RIMS1: variants seen among roughly 807,000 people sequenced by gnomAD.
RIMS1 encodes regulating synaptic membrane exocytosis 1, also known as regulating synaptic membrane exocytosis protein 1.
A neutral mutation model predicts 214.1 loss-of-function variants in RIMS1; 83 were observed. The observed-to-expected ratio is 0.39, with a 90% CI of 0.32 to 0.47. RIMS1 has a LOEUF of 0.47. RIMS1 is among the 20% of genes least tolerant of loss of function. RIMS1 has a pLI of 0.99. For missense variants in RIMS1, 2,050 were observed against 2,161.8 expected (o/e 0.95, Z 1.03); for synonymous variants, 793 against 786.8 (o/e 1.01, Z -0.13).
intron 4 of RIMS1, among the ~76,000 whole-genome samples, chr6:72,101,836 T>C (rs2033655749): frequency 6.6e-6 from 1 of 151,936 alleles, no homozygotes; most frequent in Non-Finnish European, 1.5e-5. Flanking sequence ...TAAAACTTCA[T>C]CCTCAGCCTA....
intron 29 of RIMS1, among the ~76,000 whole-genome samples, chr6:72,340,324 A>G (rs1355503483): frequency 3.3e-5 from 5 of 151,610 alleles, no homozygotes; most frequent in Admixed American, 2.0e-4. Context: ...TTTTGTTGCC[A>G]TTGCTTTTGG....
At chr6:71,950,984 A>ATATAT (rs1789310335) in intron 1 of RIMS1, among the ~76,000 whole-genome samples, 2 of 152,226 alleles carry the variant, frequency 1.3e-5, no homozygotes, top group Non-Finnish European at 2.9e-5. Flanking sequence ...TTTAGATGAG[A>ATATAT]AGACATATAC....
chr6:72,251,510 G>A, intron 15 of RIMS1, 142 bp downstream of exon 15: 2 of 686,852 alleles, frequency 2.9e-6, no homozygotes, highest in South Asian at 2.7e-5. Flanking sequence ...GAAGCAACTT[G>A]GCAAAACTGT....
chr6:72,362,887 T>C (rs2097870840), intron 29 of RIMS1, among the ~76,000 whole-genome samples: 1 of 152,198 alleles, frequency 6.6e-6, no homozygotes, highest in Admixed American at 6.5e-5. Context: ...CATTTGTTCA[T>C]TCAAAATATA....
chr6:72,140,755 A>G (rs2041984673), intron 4 of RIMS1, among the ~76,000 whole-genome samples: 1 of 152,102 alleles, frequency 6.6e-6, no homozygotes. Context: ...ATCAAGGATT[A>G]CAGACCATTT....
At position 72,047,319 on chromosome 6, in the gene RIMS1, A is replaced by G. The variant is rs570563571; in HGVS notation, c.246-49630A>G. Among the ~76,000 whole-genome samples, 120 of 152,268 alleles carry G rather than the reference A, an allele frequency of 7.9e-4. 1 individual carries two copies. The South Asian group carries it at 0.024, about 30-fold the overall frequency. On this transcript the variant is annotated intron_variant, in intron 2 of 33. Transcript: ENST00000521978. The stretch of plus-strand genomic sequence containing the variant: ...CTCAACAATTCCAAATTAATTCCCA[A>G]TGCAAATCATGGAATTTTCAGCTTC...
intron 2 of RIMS1, among the ~76,000 whole-genome samples, chr6:72,091,852 C>T (rs1836318010): frequency 6.6e-6 from 1 of 152,062 alleles, no homozygotes; most frequent in Admixed American, 6.5e-5. Flanking sequence ...CCTCACTAGT[C>T]AATAAGAATA....
chr6:72,034,809 G>A (rs561904441), intron 2 of RIMS1, among the ~76,000 whole-genome samples: 1 of 152,210 alleles, frequency 6.6e-6, no homozygotes, highest in East Asian at 1.9e-4. Context: ...CTCTCAGTCT[G>A]ATGTTATACA....
chr6:72,299,373 T>C (rs2094405433), intron 26 of RIMS1, among the ~76,000 whole-genome samples: 1 of 151,948 alleles, frequency 6.6e-6, no homozygotes, highest in African/African-American at 2.4e-5. Context: ...TGAAAGGCAA[T>C]TAAAGTAAGT....
chr6:72,281,980 T>C (rs1256431710), intron 23 of RIMS1, among the ~76,000 whole-genome samples: 1 of 152,032 alleles, frequency 6.6e-6, no homozygotes, highest in Non-Finnish European at 1.5e-5. Context: ...TCCACAGACA[T>C]ATTCCAACCA....
intron 2 of RIMS1, among the ~76,000 whole-genome samples, chr6:72,024,145 C>G (rs1434996882): frequency 6.6e-6 from 1 of 152,122 alleles, no homozygotes; most frequent in Non-Finnish European, 1.5e-5. Context: ...GCCTCTCAAG[C>G]ATTTCTCTTA....
chr6:71,891,509 A>AAT (rs779104640), intron 1 of RIMS1, among the ~76,000 whole-genome samples: 1 of 152,152 alleles, frequency 6.6e-6, no homozygotes, highest in Non-Finnish European at 1.5e-5. Context: ...ACTTTACACA[A>AAT]ATATAATACT....
chr6:72,356,504 A>G lies in RIMS1; in HGVS notation c.4366+22669A>G, dbSNP rs951496131. 2.6e-5 allele frequency among the ~76,000 whole-genome samples: 4 copies of G among 152,246 alleles called. No homozygotes were observed. The East Asian group carries it at 5.8e-4, about 22-fold the overall frequency. ...CCAGGCACGGTGGCTTACACCTGTA[A>G]TACCTGCACTTTGGGAGTCCGAGGC... is the stretch of plus-strand genomic sequence containing the variant. On this transcript the variant is annotated intron_variant, in intron 29 of 33. Coordinates refer to ENST00000521978, the MANE Select transcript of RIMS1 (RefSeq NM_014989.7).
chr6:72,140,067 A>G (rs1374022524), intron 4 of RIMS1, among the ~76,000 whole-genome samples: 1 of 152,138 alleles, frequency 6.6e-6, no homozygotes, highest in Non-Finnish European at 1.5e-5. Context: ...ATGAAAGAAA[A>G]ATGTTCCTCA....
At position 72,331,998 on chromosome 6, in the gene RIMS1, T is replaced by C. The variant is rs370035680; in HGVS notation, c.4131-1602T>C. Among the ~76,000 whole-genome samples, 5 of 151,882 alleles carry C rather than the reference T, an allele frequency of 3.3e-5. No homozygotes were observed. In the East Asian group the frequency reaches 9.8e-4, roughly 30 times the overall value. ...TACCTCTTTTCCGTAGCTTATAAAC[T>C]CTCCTTGCTGATCTTGCTCTCCCAC... On this transcript the variant is annotated intron_variant, in intron 28 of 33. Coordinates refer to ENST00000521978, the MANE Select transcript of RIMS1 (RefSeq NM_014989.7).
chr6:71,919,090 A>T (rs910859671), intron 1 of RIMS1, among the ~76,000 whole-genome samples: 3 of 152,158 alleles, frequency 2.0e-5, no homozygotes, highest in Non-Finnish European at 4.4e-5. Flanking sequence ...CCCAGTGTCC[A>T]TTATTGGAGG....
At position 72,313,731 on chromosome 6, in the gene RIMS1, C is replaced by T. The variant is rs993277417; in HGVS notation, c.4130+59C>T. On this transcript the variant is annotated intron_variant, in intron 28 of 33. Transcript: ENST00000521978. ...CTTTATCTGTGATATAAAAATACAA[C>T]TAGCTTCCTGAATATTTTTTCTATA... 2.0e-6 allele frequency: 3 copies of T among 1,477,364 alleles called. No homozygotes were observed. The East Asian group carries it at 7.2e-5, about 35-fold the overall frequency. 91.5% of individuals were successfully genotyped at this position (1,477,364 alleles called of 1,614,324 possible).
intron 1 of RIMS1, among the ~76,000 whole-genome samples, chr6:71,908,383 T>G (rs1244581380): frequency 1.3e-5 from 2 of 152,148 alleles, no homozygotes. Flanking sequence ...CTTAGGGCTC[T>G]CTCCTGCTGG....
chr6:72,333,480 C>A, intron 28 of RIMS1, 120 bp from the exon 29 acceptor site: 1 of 760,762 alleles, frequency 1.3e-6, no homozygotes. Context: ...ATCCACTACT[C>A]AACTGCATTT....
Sources: gnomAD v4.1 joint callset for allele counts (sites outside exome capture counted in the v4.1 genomes callset) on GRCh38, gnomAD v4.1.1 for gene constraint, MANE v1.5 for transcripts, NCBI Gene and HGNC (gene_info 2026-07-23, HGNC 2026-07-21) for gene names.